Variants in GNB4 observed in about 807,000 individuals in gnomAD.
The protein encoded by GNB4 is guanine nucleotide-binding protein subunit beta-4.
Under a neutral mutation model 45.2 loss-of-function variants are expected in GNB4, and 28 were observed. That is an observed-to-expected ratio of 0.62 (90% confidence interval 0.46 to 0.85). GNB4 has a LOEUF of 0.85. GNB4 is among the 40% of genes least tolerant of loss of function. The pLI is 0.00. For missense variants in GNB4, 321 were observed against 425.4 expected (o/e 0.75, Z 2.16); for synonymous variants, 132 against 143.7 (o/e 0.92, Z 0.58).
chr3:179,472,378 T>A, the GNB4 span, among the ~76,000 whole-genome samples: 1 of 150,648 alleles, frequency 6.6e-6, no homozygotes, highest in Non-Finnish European at 1.5e-5. Flanking sequence ...TTCTTTTTTT[T>A]TTTTTTTTTA....
rs1714717371 is a variant in GNB4, at chr3:179,413,763, C to T, written c.449G>A (p.Arg150His). The change falls in exon 7 of 10, where the codon CGT becomes CAT. Residue 150 changes from arginine (R) to histidine (H), a missense_variant. Arg to His is a conservative substitution (Grantham distance 29, BLOSUM62 0). Coordinates refer to ENST00000232564, the MANE Select transcript of GNB4 (RefSeq NM_021629.4). ...PGHTGYLSCCRFLDDSQIVTS... is the reference protein window; with the variant it reads ...PGHTGYLSCCHFLDDSQIVTS... ...AACAATTTGGCTGTCATCTAAAAAA[C>T]GACAGCAGGACAAGTACCCTACAGC... 2.5e-6 allele frequency: 4 copies of T among 1,613,890 alleles called. No individual in the cohort carries two copies. The highest frequency in any genetic ancestry group is 2.2e-5 in the South Asian group (2 of 91,082).
the GNB4 span, among the ~76,000 whole-genome samples, chr3:179,514,837 G>T: frequency 3.9e-5 from 6 of 152,194 alleles, no homozygotes; most frequent in African/African-American, 1.4e-4. Context: ...TGCCCAGTCT[G>T]TGGCATTTTG....
intron 2 of GNB4, among the ~76,000 whole-genome samples, chr3:179,423,330 TC>T (rs1032289203): frequency 6.6e-6 from 1 of 152,132 alleles, no homozygotes; most frequent in African/African-American, 2.4e-5. Context: ...CGTGATCAGC[TC>T]TATAACAGAA....
In GNB4 at chr3:179,396,155, A is replaced by G. The variant is rs2108569446; in HGVS notation, c.*5058T>C. ...CATTTCATAAAGCCACTGTACAAAT[A>G]GAGGAATGAATCACTGTGTAAGAAA... On this transcript the variant is annotated 3_prime_UTR_variant, in exon 10 of 10. Coordinates refer to ENST00000232564, the MANE Select transcript of GNB4 (RefSeq NM_021629.4). 6.6e-6 allele frequency: 1 copy of G among 152,342 alleles called. No individual in the cohort carries two copies. Among genetic ancestry groups the G allele is most frequent in the East Asian group, 1.9e-4 (1 of 5,194 alleles). The allele number at this position is 152,342 out of a possible 1,614,324, so 9.4% of individuals were successfully genotyped here. A position where few individuals can be genotyped will look rare whatever the true frequency, so the allele number is the denominator to read the frequency against.
chr3:179,419,519 C>T lies in GNB4; in HGVS notation c.97-14G>A, dbSNP rs370924983. 255 of 1,456,148 alleles carry T rather than the reference C, an allele frequency of 1.8e-4. No homozygotes were observed. The highest frequency in any genetic ancestry group is 2.3e-4 in the Non-Finnish European group (234 of 1,036,854). 90.2% of individuals were successfully genotyped at this position (1,456,148 alleles called of 1,614,324 possible). ...ATTTGATGTAATCTTTTGAAAGCAA[C>T]AAAAATGTTATTCTTTACCTTAATC... On this transcript the variant is annotated splice_polypyrimidine_tract_variant and intron_variant, in intron 3 of 9. Coordinates refer to ENST00000232564, the MANE Select transcript of GNB4 (RefSeq NM_021629.4).
At chr3:179,517,391 G>A in the GNB4 span, among the ~76,000 whole-genome samples, 5 of 151,826 alleles carry the variant, frequency 3.3e-5, no homozygotes, top group African/African-American at 9.7e-5. Flanking sequence ...CTGTCTTTTC[G>A]GACTCAGCCC....
chr3:179,425,428 A>C (rs1317426963), intron 2 of GNB4, among the ~76,000 whole-genome samples: 1 of 152,160 alleles, frequency 6.6e-6, no homozygotes, highest in Non-Finnish European at 1.5e-5. Flanking sequence ...AGTTGATTCC[A>C]AGAGTAAAAG....
intron 1 of GNB4, among the ~76,000 whole-genome samples, chr3:179,431,976 G>GAAAAAA (rs1175018695): frequency 6.6e-6 from 1 of 151,912 alleles, no homozygotes; most frequent in Non-Finnish European, 1.5e-5. Context: ...AAAAGAAAAA[G>GAAAAAA]AAAAAAGAAA....
the GNB4 span, among the ~76,000 whole-genome samples, chr3:179,507,264 A>G: frequency 3.3e-5 from 5 of 152,048 alleles, no homozygotes; most frequent in African/African-American, 4.8e-5. Flanking sequence ...CCATTCTTTG[A>G]CCAATGTCCA....
chr3:179,421,989 A>G (rs1714994733), intron 2 of GNB4, among the ~76,000 whole-genome samples: 1 of 152,214 alleles, frequency 6.6e-6, no homozygotes, highest in Admixed American at 6.5e-5. Flanking sequence ...TTTGACTTCA[A>G]GCTTTATGAA....
chr3:179,510,713 C>T, the GNB4 span, among the ~76,000 whole-genome samples: 4 of 152,126 alleles, frequency 2.6e-5, no homozygotes, highest in African/African-American at 4.8e-5. Flanking sequence ...AAGCTTCCTG[C>T]CTGGATTCAC....
At chr3:179,419,067 T>C (rs1344347955) in intron 4 of GNB4, among the ~76,000 whole-genome samples, 7 of 152,242 alleles carry the variant, frequency 4.6e-5, no homozygotes, top group Non-Finnish European at 8.8e-5. Flanking sequence ...AGGTGTTCAA[T>C]ACGTATTTGC....
chr3:179,440,499 T>C (rs1352166114), intron 1 of GNB4, among the ~76,000 whole-genome samples: 1 of 152,238 alleles, frequency 6.6e-6, no homozygotes, highest in Non-Finnish European at 1.5e-5. Context: ...AAATGCCAGC[T>C]GACTTTTACA....
chr3:179,407,023 T>C (rs900138096), intron 8 of GNB4, among the ~76,000 whole-genome samples: 1 of 152,218 alleles, frequency 6.6e-6, no homozygotes, highest in South Asian at 2.1e-4. Flanking sequence ...TGGCTATCCT[T>C]CTGCTTCCAG....
chr3:179,487,490 G>A, the GNB4 span, among the ~76,000 whole-genome samples: 470 of 152,194 alleles, frequency 3.1e-3, 2 homozygotes, highest in African/African-American at 0.01. Flanking sequence ...AGCATGGCAG[G>A]TCAGACCCCC....
chr3:179,414,430 G>A (rs934768671), intron 6 of GNB4, among the ~76,000 whole-genome samples: 3 of 152,132 alleles, frequency 2.0e-5, no homozygotes, highest in Non-Finnish European at 4.4e-5. Context: ...ATAAATTCCT[G>A]ATTAACACCA....
rs115670638 is a variant in GNB4 at position 179,431,289 on chromosome 3, G to T, written c.-42-5047C>A. On this transcript the variant is annotated intron_variant, in intron 1 of 9. Coordinates refer to ENST00000232564, the MANE Select transcript of GNB4 (RefSeq NM_021629.4). ...ACTAAATCATCAGCCAGGTGCAGTT[G>T]CTCATACCTGTAATCCCAGCTCTTT... Among the ~76,000 whole-genome samples, 785 of 152,238 alleles carry T rather than the reference G, an allele frequency of 5.2e-3. 8 individuals carry two copies. The highest frequency in any genetic ancestry group is 0.018 in the African/African-American group (754 of 41,544).
intron 1 of GNB4, chr3:179,451,013 G>T (rs1419277235): frequency 6.6e-6 from 1 of 152,274 alleles, no homozygotes; most frequent in Admixed American, 6.5e-5. Context: ...GAGGCCTCGG[G>T]GAGTGACGAG....
At chr3:179,487,561 G>A in the GNB4 span, among the ~76,000 whole-genome samples, 2 of 152,092 alleles carry the variant, frequency 1.3e-5, no homozygotes, top group Non-Finnish European at 2.9e-5. Flanking sequence ...GAGATCATAA[G>A]ACTGACAAAA....
Sources: allele counts gnomAD v4.1 joint callset (sites outside exome capture counted in the v4.1 genomes callset), GRCh38; gene constraint gnomAD v4.1.1; transcripts MANE v1.5; gene names NCBI Gene and HGNC (gene_info 2026-07-23, HGNC 2026-07-21).